Variants in NACAD observed in about 807,000 individuals in gnomAD.
NACAD encodes the protein NAC-alpha domain-containing protein 1.
Under a neutral mutation model 98.9 loss-of-function variants are expected in NACAD, and 47 were observed. The observed-to-expected ratio is 0.48, with a 90% CI of 0.38 to 0.61. The LOEUF is 0.61. Among genes scored for constraint, NACAD ranks in the 20% least tolerant of loss-of-function variants. The pLI is 0.00. For missense variants in NACAD, 1,412 were observed against 1,748.2 expected, an observed-to-expected ratio of 0.81 and a Z score of 3.43; for synonymous variants, 696 against 767.2, an observed-to-expected ratio of 0.91 and a Z score of 1.53.
chr7:45,083,462 C>T lies in NACAD; in HGVS notation c.2718G>A (p.Val906=). 1 of 1,543,102 alleles carries T rather than the reference C, an allele frequency of 6.5e-7. No individual in the cohort carries two copies. Among genetic ancestry groups the T allele is most frequent in the South Asian group, 1.2e-5 (1 of 83,786 alleles). The change falls in exon 2 of 8, where the codon GTG becomes GTA. Residue 906 remains valine, a synonymous_variant. Coordinates refer to ENST00000490531, the MANE Select transcript of NACAD (RefSeq NM_001146334.2). ...APKPVAAATP[V]SQQAEEGLTL... ...TGAGGCCCTCTTCAGCCTGCTGGGA[C>T]ACAGGCGTGGCTGCAGCCACAGGCT...
Position 45,084,934 on chromosome 7 carries a change from G to A in NACAD, c.1246C>T (p.Leu416Phe), listed in dbSNP as rs946560257. 3.9e-6 allele frequency: 6 copies of A among 1,551,060 alleles called. No homozygotes were observed. In the African/African-American group the frequency reaches 8.2e-5, roughly 21 times the overall value. The change falls in exon 2 of 8, where the codon CTC becomes TTC. Residue 416 changes from leucine (L) to phenylalanine (F), a missense_variant. Leu to Phe is a conservative substitution (Grantham distance 22). Coordinates refer to ENST00000490531, the MANE Select transcript of NACAD (RefSeq NM_001146334.2). ...TCTGTCTTCTGGACACTGTCCTGGAGCAAAGTGGCCTGGGCATGGGGCTCC... is the reference window on the plus strand; with the variant it reads ...TCTGTCTTCTGGACACTGTCCTGGAACAAAGTGGCCTGGGCATGGGGCTCC... ...SGEPHAQATL[L>F]QDSVQKTEEE...
rs1269734482 is a variant in NACAD, at chr7:45,080,526, G to A, written c.4675-3C>T. 1.3e-6 allele frequency: 2 copies of A among 1,551,420 alleles called. No homozygotes were observed. The highest frequency in any genetic ancestry group is 1.4e-5 in the African/African-American group (1 of 73,130). On this transcript the variant is annotated splice_region_variant and splice_polypyrimidine_tract_variant and intron_variant, in intron 7 of 7. Transcript: ENST00000490531. ...GTCAGTGGCTACATGGTCAGTTCCT[G>A]CAGAAAGAGATGGTCATGTTGGGGG...
rs1231752174 is a variant in NACAD at position 45,084,372 on chromosome 7, G to A, written c.1808C>T (p.Thr603Ile). 1.4e-6 allele frequency: 2 copies of A among 1,423,598 alleles called. No homozygotes were observed. The highest frequency in any genetic ancestry group is 9.6e-7 in the Non-Finnish European group (1 of 1,045,652). The allele number at this position is 1,423,598 out of a possible 1,614,324, so 88.2% of individuals were successfully genotyped here. A position where few individuals can be genotyped will look rare whatever the true frequency, so the allele number is the denominator to read the frequency against. Residue 603 changes from threonine to isoleucine, a missense_variant, in exon 2 of 8, where the codon ACA (threonine) becomes ATA (isoleucine). Physicochemically the swap from Thr to Ile is moderately conservative, Grantham distance 89. This residue lies in a region of NACAD where 72 missense variants were observed against 198.0 expected (regional missense o/e 0.36). Transcript: ENST00000490531. ...DLTLPQDSAM[T>I]PPLPLQDTDL... ...TGTGTCTTGTAGGGGCAGAGGCGGT[G>A]TCATAGCGGAGTCCTGGGGTAAGGT...
intron 1 of NACAD, 69 bp from the exon 2 acceptor site, chr7:45,086,181 G>A: frequency 2.7e-6 from 4 of 1,473,332 alleles, no homozygotes; most frequent in Admixed American, 2.2e-5. Context: ...GGCCCGGGGA[G>A]ATGAATTCCG....
rs889836738 is a variant in NACAD at position 45,084,538 on chromosome 7, T to G, written c.1642A>C (p.Thr548Pro). ...QESVTAEKLP[T>P]PQEETSLTLC... ...GTGAGGCTTGTTTCTTCCTGTGGAGTTGGAAGTTTTTCTGCAGTGACAGAC... is the reference window on the plus strand; with the variant it reads ...GTGAGGCTTGTTTCTTCCTGTGGAGGTGGAAGTTTTTCTGCAGTGACAGAC... The change falls in exon 2 of 8, where the codon ACT becomes CCT. Residue 548 changes from threonine to proline, a missense_variant. Around this residue, in one of 5 missense-constraint regions of NACAD, gnomAD observed 638 missense variants for 722.7 expected, o/e 0.88. Transcript: ENST00000490531. 41 of 1,552,066 alleles carry G rather than the reference T, an allele frequency of 2.6e-5. No individual in the cohort carries two copies. The East Asian group carries it at 1.0e-3, about 38-fold the overall frequency.
intron 1 of NACAD, 28 bp from the exon 2 acceptor site, chr7:45,086,140 G>A (rs376381835): frequency 6.5e-7 from 1 of 1,529,574 alleles, no homozygotes; most frequent in Non-Finnish European, 8.7e-7. Context: ...ATCATGAGGT[G>A]CCCCTGGATG....
Position 45,080,540 on chromosome 7 carries a change from T to G in NACAD, c.4675-17A>C, listed in dbSNP as rs2128639988. 6.4e-7 allele frequency: 1 copy of G among 1,551,390 alleles called. No individual in the cohort carries two copies. Among genetic ancestry groups the G allele is most frequent in the East Asian group, 2.4e-5 (1 of 40,924 alleles). On this transcript the variant is annotated splice_polypyrimidine_tract_variant and intron_variant, in intron 7 of 7. Coordinates refer to ENST00000490531, the MANE Select transcript of NACAD (RefSeq NM_001146334.2). ...GGTCAGTTCCTGCAGAAAGAGATGG[T>G]CATGTTGGGGGAAGCACCCCGCAGT...
chr7:45,085,367 T>C lies in NACAD; in HGVS notation c.813A>G (p.Pro271=), dbSNP rs1049916866. Residue 271 remains proline, a synonymous_variant, in exon 2 of 8, where the codon CCA becomes CCG. Transcript: ENST00000490531. The surrounding 1 kb of genome is among the most constrained non-coding windows in gnomAD (Gnocchi z 6.1). The stretch of plus-strand genomic sequence containing the variant: ...GGCTGGACTCAGAGGACGGGGGCTC[T>C]GGGGTCCCTGCTGGGTGCAGCTCTC... The part of the protein sequence containing the change: ...DERELHPAGT[P]EPPSSESSLS... The C allele has an allele frequency of 1.3e-6, 2 of 1,549,520 alleles. No homozygotes were observed. The highest frequency in any genetic ancestry group is 2.7e-5 in the African/African-American group (2 of 73,020).
chr7:45,082,700 C>T lies in NACAD; in HGVS notation c.3480G>A (p.Val1160=), dbSNP rs1327784489. 2 of 1,518,158 alleles carry T rather than the reference C, an allele frequency of 1.3e-6. No homozygotes were observed. The highest frequency in any genetic ancestry group is 2.6e-5 in the South Asian group (2 of 78,158). The allele number at this position is 1,518,158 out of a possible 1,614,324, so 94.0% of individuals were successfully genotyped here. A position where few individuals can be genotyped will look rare whatever the true frequency, so the allele number is the denominator to read the frequency against. Residue 1160 remains valine, a synonymous_variant, in exon 2 of 8, where the codon GTG becomes GTA. Transcript: ENST00000490531. This position sits in a 1 kb window ranked among gnomAD's most constrained non-coding sequence, Gnocchi z 4.5. The part of the protein sequence containing the change: ...DSCPESSVGA[V]SSLDRGCPDA... ...CAGGGCAGCCTCTGTCCAGACTGGA[C>T]ACAGCCCCTACTGAAGACTCTGGGC...
rs1420194121 is a variant in NACAD at position 45,083,138 on chromosome 7, G to A, written c.3042C>T (p.Ala1014=). The change falls in exon 2 of 8, where the codon GCC becomes GCT. Residue 1014 remains alanine (A), a synonymous_variant. Transcript: ENST00000490531. The stretch of plus-strand genomic sequence containing the variant: ...AAGTGGAATCCGCATCTTCCTGTGC[G>A]GCCCAAGGTGTCCCAGCTTCTGCAG... ...QPAAEAGTPW[A]AQEDADSTLG... 9 of 1,550,668 alleles carry A rather than the reference G, an allele frequency of 5.8e-6. No homozygotes were observed. Among genetic ancestry groups the A allele is most frequent in the East Asian group, 2.4e-5 (1 of 40,926 alleles).
Position 45,080,926 on chromosome 7 carries a change from G to T in NACAD, c.4501C>A (p.Pro1501Thr), listed in dbSNP as rs752883656. The T allele has an allele frequency of 6.4e-7, 1 of 1,554,090 alleles. No homozygotes were observed. Among genetic ancestry groups the T allele is most frequent in the Non-Finnish European group, 8.7e-7 (1 of 1,148,462 alleles). ...SALVPESAPRPRVRLECKEEE... is the reference protein window; with the variant it reads ...SALVPESAPRTRVRLECKEEE... ...TCCTTGCACTCCAGCCTCACCCGGGGCCTGGGTGCTGACTCAGGGACCAAG... is the reference window on the plus strand; with the variant it reads ...TCCTTGCACTCCAGCCTCACCCGGGTCCTGGGTGCTGACTCAGGGACCAAG... Residue 1501 changes from proline to threonine, a missense_variant, in exon 6 of 8, where the codon CCC (proline) becomes ACC (threonine). By Grantham distance (38) the Pro-to-Thr change is conservative. Transcript: ENST00000490531.
chr7:45,086,008 G>A lies in NACAD; in HGVS notation c.172C>T (p.Pro58Ser). 1.3e-6 allele frequency: 2 copies of A among 1,536,282 alleles called. No individual in the cohort carries two copies. The highest frequency in any genetic ancestry group is 1.7e-6 in the Non-Finnish European group (2 of 1,144,950). The change falls in exon 2 of 8, where the codon CCC (proline) becomes TCC (serine). Residue 58 changes from proline to serine, a missense_variant. Physicochemically the swap from Pro to Ser is moderately conservative, Grantham distance 74. Coordinates refer to ENST00000490531, the MANE Select transcript of NACAD (RefSeq NM_001146334.2). ...TGGGGCCGGGCACCCGGCTTGCTGG[G>A]CAGGAACGTGAGGGCCAGGTGGCTG... ...GPSHLALTFLPSKPGARPQPE... is the reference protein window; with the variant it reads ...GPSHLALTFLSSKPGARPQPE...
chr7:45,081,357 C>T (rs538596720), intron 4 of NACAD, 94 bp from the exon 5 acceptor site: 52 of 1,477,410 alleles, frequency 3.5e-5, no homozygotes, highest in South Asian at 1.1e-4. Context: ...AAGTCTCCAC[C>T]GCCAACTTCC....
rs1402647744 is a variant in NACAD, at chr7:45,080,729, C to T, written c.4585G>A (p.Glu1529Lys). 8.4e-6 allele frequency: 13 copies of T among 1,550,938 alleles called. No individual in the cohort carries two copies. The highest frequency in any genetic ancestry group is 1.0e-5 in the Non-Finnish European group (12 of 1,146,974). The stretch of plus-strand genomic sequence containing the variant: ...ACATTGGCCTGCGCCATCACCAGCT[C>T]AATGTCACGCAGTTCCAGCCCCGCC... ...DEAGLELRDI[E>K]LVMAQANVSR... is the part of the protein sequence containing the mutation. The change falls in exon 7 of 8, where the codon GAG becomes AAG. Residue 1529 changes from glutamate to lysine, a missense_variant. Glu to Lys is a moderately conservative substitution (Grantham distance 56). Coordinates refer to ENST00000490531, the MANE Select transcript of NACAD (RefSeq NM_001146334.2).
chr7:45,085,153 C>T lies in NACAD; in HGVS notation c.1027G>A (p.Asp343Asn), dbSNP rs888466915. 3.9e-5 allele frequency: 61 copies of T among 1,550,342 alleles called. No individual in the cohort carries two copies. Among genetic ancestry groups the T allele is most frequent in the East Asian group, 4.9e-5 (2 of 40,916 alleles). ...EEEEEAVADPDPGGDLAGEGE... is the reference protein window; with the variant it reads ...EEEEEAVADPNPGGDLAGEGE... ...TCCCCAGCCAGGTCCCCACCTGGGTCGGGATCCGCCACAGCCTCCTCTTCT... is the reference window on the plus strand; with the variant it reads ...TCCCCAGCCAGGTCCCCACCTGGGTTGGGATCCGCCACAGCCTCCTCTTCT... Residue 343 changes from aspartate (D) to asparagine (N), a missense_variant, in exon 2 of 8, where the codon GAC (aspartate) becomes AAC (asparagine). By Grantham distance (23) the Asp-to-Asn change is conservative (BLOSUM62 1). Around this residue, in one of 5 missense-constraint regions of NACAD, gnomAD observed 638 missense variants for 722.7 expected, o/e 0.88. Transcript: ENST00000490531. The surrounding 1 kb of genome is among the most constrained non-coding windows in gnomAD (Gnocchi z 6.1).
chr7:45,086,196 C>T, intron 1 of NACAD, 84 bp from the exon 2 acceptor site: 1 of 1,411,558 alleles, frequency 7.1e-7, no homozygotes, highest in Non-Finnish European at 9.5e-7. Context: ...ATTCCGGCTG[C>T]ATAGGGCCCA....
intron 4 of NACAD, 138 bp downstream of exon 4, chr7:45,081,463 G>T: frequency 7.9e-7 from 1 of 1,262,096 alleles, no homozygotes; most frequent in Non-Finnish European, 1.1e-6. Flanking sequence ...AGGGGAAGGT[G>T]TGTGGGTTAC....
At chr7:45,086,463 G>A (rs1280589553) in intron 1 of NACAD, among the ~76,000 whole-genome samples, 2 of 152,182 alleles carry the variant, frequency 1.3e-5, no homozygotes, top group Non-Finnish European at 2.9e-5. Context: ...CAGAATCAGT[G>A]TGGTTCAGCT....
Position 45,082,573 on chromosome 7 carries a change from T to A in NACAD, c.3607A>T (p.Thr1203Ser). Residue 1203 changes from threonine (T) to serine (S), a missense_variant, in exon 2 of 8, where the codon ACC becomes TCC. Thr to Ser is a moderately conservative substitution (Grantham distance 58). Transcript: ENST00000490531. The surrounding 1 kb of genome is among the most constrained non-coding windows in gnomAD (Gnocchi z 4.5). ...QPHEVPSVLG[T>S]PLLQPPENLA... ...TTTTCTGGGGGCTGCAGCAAGGGGG[T>A]GCCAAGGACACTGGGTACTTCGTGG... 1 of 1,545,002 alleles carries A rather than the reference T, an allele frequency of 6.5e-7. No homozygotes were observed. Among genetic ancestry groups the A allele is most frequent in the South Asian group, 1.2e-5 (1 of 83,434 alleles).
Sources: allele counts gnomAD v4.1 joint callset (sites outside exome capture counted in the v4.1 genomes callset), GRCh38; gene constraint gnomAD v4.1.1; regional missense constraint gnomAD v4.1.1; non-coding constraint Gnocchi (gnomAD v3.1); transcripts MANE v1.5; gene names NCBI Gene and HGNC (gene_info 2026-07-23, HGNC 2026-07-21).